The following CTNND2 variants were observed in gnomAD, a reference collection of about 807,000 sequenced individuals.
CTNND2 encodes the protein catenin delta 2, also known as catenin delta-2.
A neutral mutation model predicts 144.4 loss-of-function variants in CTNND2; 22 were observed. The observed-to-expected ratio is 0.15, with a 90% CI of 0.11 to 0.22. The LOEUF (loss-of-function observed/expected upper bound fraction) is 0.22. CTNND2 is among the 10% of genes least tolerant of loss of function. The pLI is 1.00. For synonymous variants in CTNND2, 751 were observed against 695.6 expected, an observed-to-expected ratio of 1.08 and a Z score of -1.25; for missense variants, 1,353 against 1,618.8, an observed-to-expected ratio of 0.84 and a Z score of 2.82.
At chr5:11,435,587 C>A (rs1462461310) in intron 3 of CTNND2, among the ~76,000 whole-genome samples, 1 of 152,218 alleles carries the variant, frequency 6.6e-6, no homozygotes, top group African/African-American at 2.4e-5. Context: ...TGTTCCCATA[C>A]ATTTTTATAC....
chr5:11,880,552 C>T (rs950170825), intron 1 of CTNND2, among the ~76,000 whole-genome samples: 2 of 92,534 alleles, frequency 2.2e-5, no homozygotes, highest in East Asian at 3.4e-4. Context: ...ACTACTACCA[C>T]TACTACTGCT....
At chr5:11,376,586 G>A (rs897978939) in intron 7 of CTNND2, among the ~76,000 whole-genome samples, 2 of 152,092 alleles carry the variant, frequency 1.3e-5, no homozygotes, top group African/African-American at 4.8e-5. Flanking sequence ...ATTCAGACTG[G>A]CAGTCTTCCT....
Position 11,123,133 on chromosome 5 carries a change from C to T in CTNND2, c.2160-5566G>A, listed in dbSNP as rs150885311. ...TACCTTCTAAGCCTTGCCTCAGCCC[C>T]GCTACTCCTTCCTTCATAGCTCCAG... On this transcript the variant is annotated intron_variant, in intron 12 of 21. Transcript: ENST00000304623. Among the ~76,000 whole-genome samples the T allele has an allele frequency of 2.5e-3, 387 of 152,218 alleles. 1 individual carries two copies. Among genetic ancestry groups the T allele is most frequent in the African/African-American group, 8.4e-3 (349 of 41,534 alleles).
rs112672743 is a variant in CTNND2, at chr5:11,798,146, G to A, written c.38-65874C>T. Among the ~76,000 whole-genome samples, 5 of 151,532 alleles carry A rather than the reference G, an allele frequency of 3.3e-5. 1 individual carries two copies. Among genetic ancestry groups the A allele is most frequent in the Non-Finnish European group, 5.9e-5 (4 of 67,894 alleles). On this transcript the variant is annotated intron_variant, in intron 1 of 21. Coordinates refer to ENST00000304623, the MANE Select transcript of CTNND2 (RefSeq NM_001332.4). ...TCGTGGTGGTACATGCCTGTAGTCC[G>A]GGTTACTCAGGAGGCCAAGAAAGGA...
intron 3 of CTNND2, among the ~76,000 whole-genome samples, chr5:11,412,988 G>A (rs537408420): frequency 1.8e-4 from 27 of 152,174 alleles, no homozygotes; most frequent in Admixed American, 4.6e-4. Flanking sequence ...ATACATTTAC[G>A]GAGAAAAAGG....
At chr5:11,435,406 T>C (rs918733781) in intron 3 of CTNND2, among the ~76,000 whole-genome samples, 1 of 152,020 alleles carries the variant, frequency 6.6e-6, no homozygotes, top group African/African-American at 2.4e-5. Flanking sequence ...CCTCCCAAAG[T>C]GCAGGGATTA....
At chr5:11,808,958 A>C (rs12655478) in intron 1 of CTNND2, among the ~76,000 whole-genome samples, 129,357 of 152,238 alleles carry the variant, frequency 0.85, 57,184 homozygotes, top group Non-Finnish European at 0.98. Flanking sequence ...GCTGGAATGG[A>C]AAGCTGTGAG....
chr5:11,096,160 C>CATTAT (rs752641652), intron 15 of CTNND2, among the ~76,000 whole-genome samples: 3 of 151,882 alleles, frequency 2.0e-5, no homozygotes, highest in Non-Finnish European at 4.4e-5. Context: ...TTTGTTCAGG[C>CATTAT]ATTATATTAT....
chr5:11,508,266 G>C (rs1184721006), intron 3 of CTNND2: 1 of 152,096 alleles, frequency 6.6e-6, no homozygotes, highest in Non-Finnish European at 1.5e-5. Flanking sequence ...TGTAGTAACG[G>C]TTCTCTCTTC....
chr5:11,444,657 G>A (rs939742922), intron 3 of CTNND2, among the ~76,000 whole-genome samples: 7 of 152,170 alleles, frequency 4.6e-5, no homozygotes, highest in African/African-American at 1.7e-4. Flanking sequence ...AGCTGAGATT[G>A]TGCCACTGTA....
intron 9 of CTNND2, among the ~76,000 whole-genome samples, chr5:11,259,272 C>T (rs772883266): frequency 6.6e-6 from 1 of 152,144 alleles, no homozygotes; most frequent in East Asian, 1.9e-4. Context: ...TTCTCCCTCT[C>T]TGTGTGTATA....
chr5:11,492,076 T>C (rs565801767), intron 3 of CTNND2, among the ~76,000 whole-genome samples: 1 of 152,128 alleles, frequency 6.6e-6, no homozygotes, highest in South Asian at 2.1e-4. Context: ...GGAAACCGGG[T>C]ATAGCATTCA....
chr5:11,082,668 G>T, intron 16 of CTNND2, 28 bp downstream of exon 16: 1 of 1,611,054 alleles, frequency 6.2e-7, no homozygotes, highest in Non-Finnish European at 8.5e-7. Flanking sequence ...CTTAACACTT[G>T]AGACACTGTG....
At chr5:11,311,492 T>C (rs1163385340) in intron 9 of CTNND2, among the ~76,000 whole-genome samples, 1 of 138,232 alleles carries the variant, frequency 7.2e-6, no homozygotes, top group East Asian at 2.5e-4. Flanking sequence ...ACATATGCTC[T>C]CACACTCTCT....
At chr5:11,430,808 G>A (rs866381907) in intron 3 of CTNND2, among the ~76,000 whole-genome samples, 1 of 152,174 alleles carries the variant, frequency 6.6e-6, no homozygotes, top group African/African-American at 2.4e-5. Flanking sequence ...TTTAACCCTA[G>A]GGTTAGTATA....
intron 2 of CTNND2, among the ~76,000 whole-genome samples, chr5:11,601,457 A>G (rs1006121768): frequency 6.6e-6 from 1 of 152,174 alleles, no homozygotes; most frequent in East Asian, 1.9e-4. Context: ...ATTTAATTCC[A>G]GTTATTAAAA....
intron 12 of CTNND2, among the ~76,000 whole-genome samples, chr5:11,131,946 G>C (rs190508437): frequency 7.0e-6 from 1 of 142,602 alleles, no homozygotes; most frequent in Non-Finnish European, 1.5e-5. Flanking sequence ...ATTTTTAAAA[G>C]CTCACTTATC....
In CTNND2 at chr5:11,336,365, C is replaced by T. The variant is rs371572573; in HGVS notation, c.1628+10007G>A. ...AAGGTTGAACGTGGGTATGTGGATG[C>T]CTATTAAATACATAAACACACAACC... On this transcript the variant is annotated intron_variant, in intron 9 of 21. Coordinates refer to ENST00000304623, the MANE Select transcript of CTNND2 (RefSeq NM_001332.4). Among the ~76,000 whole-genome samples, 14 of 152,248 alleles carry T rather than the reference C, an allele frequency of 9.2e-5. No individual in the cohort carries two copies. The South Asian group carries it at 2.9e-3, about 32-fold the overall frequency.
intron 12 of CTNND2, among the ~76,000 whole-genome samples, chr5:11,125,231 T>A (rs1754560051): frequency 6.6e-6 from 1 of 152,144 alleles, no homozygotes; most frequent in African/African-American, 2.4e-5. Flanking sequence ...AGCCTCTCTC[T>A]CTAGGTGCAG....
Sources: gnomAD v4.1 joint callset for allele counts (sites outside exome capture counted in the v4.1 genomes callset) on GRCh38, gnomAD v4.1.1 for gene constraint, MANE v1.5 for transcripts, NCBI Gene and HGNC (gene_info 2026-07-23, HGNC 2026-07-21) for gene names.